PRKCH: variants seen among roughly 807,000 people sequenced by gnomAD.
PRKCH encodes protein kinase C eta type.
PRKCH carries 28 observed loss-of-function variants against 82.5 expected under a neutral mutation model. The ratio of observed to expected loss-of-function variants is 0.34; its 90% CI spans 0.25 to 0.47. PRKCH has a LOEUF of 0.47. Among genes scored for constraint, PRKCH ranks in the 20% least tolerant of loss-of-function variants. PRKCH has a pLI of 1.00. For synonymous variants in PRKCH, 322 were observed against 327.4 expected, an observed-to-expected ratio of 0.98 and a Z score of 0.18; for missense variants, 705 against 881.8, an observed-to-expected ratio of 0.80 and a Z score of 2.54.
At chr14:61,524,891 T>C (rs1229030523) in intron 10 of PRKCH, among the ~76,000 whole-genome samples, 1 of 152,248 alleles carries the variant, frequency 6.6e-6, no homozygotes, top group Non-Finnish European at 1.5e-5. Context: ...CTTGAGTCTA[T>C]CTTTAAGGGG....
At chr14:61,486,300 C>T (rs1192378396) in intron 10 of PRKCH, among the ~76,000 whole-genome samples, 2 of 147,070 alleles carry the variant, frequency 1.4e-5, no homozygotes, top group Non-Finnish European at 3.0e-5. Context: ...ACAAGAATTA[C>T]AGTCATGTGG....
At chr14:61,419,869 C>T (rs1346748453) in intron 2 of PRKCH, among the ~76,000 whole-genome samples, 4 of 152,166 alleles carry the variant, frequency 2.6e-5, no homozygotes, top group South Asian at 2.1e-4. Flanking sequence ...AGGGAAGAGT[C>T]GAAGGGTGGT....
rs183240720 is a variant in PRKCH, at chr14:61,504,178, G to A, written c.1433+18522G>A. ...TTCATGACCCATTTTACTCTCAGAGGCCCATTTTGTTTATTGGGTTTTTTT... is the reference window on the plus strand; with the variant it reads ...TTCATGACCCATTTTACTCTCAGAGACCCATTTTGTTTATTGGGTTTTTTT... On this transcript the variant is annotated intron_variant, in intron 10 of 13. Coordinates refer to ENST00000332981, the MANE Select transcript of PRKCH (RefSeq NM_006255.5). 4.6e-3 allele frequency among the ~76,000 whole-genome samples: 527 copies of A among 114,096 alleles called. 3 individuals carry two copies. The highest frequency in any genetic ancestry group is 6.3e-3 in the Admixed American group (68 of 10,872). 74.9% of individuals were successfully genotyped at this position (114,096 alleles called of 152,430 possible).
chr14:61,246,143 C>T (rs1440821168), intron 1 of PRKCH, among the ~76,000 whole-genome samples: 2 of 151,972 alleles, frequency 1.3e-5, no homozygotes, highest in Non-Finnish European at 2.9e-5. Flanking sequence ...CGGTGGCTCA[C>T]ACCTATAATC....
At chr14:61,205,880 A>G (rs1188275844) in intron 1 of PRKCH, among the ~76,000 whole-genome samples, 1 of 152,152 alleles carries the variant, frequency 6.6e-6, no homozygotes, top group African/African-American at 2.4e-5. Context: ...TGTTCATCAA[A>G]GCTCCCTCTT....
rs1382420925 is a variant in PRKCH at position 61,280,825 on chromosome 14, A to C, written c.-19+93157A>C. The C allele has an allele frequency of 1.9e-6, 3 of 1,566,070 alleles. No individual in the cohort carries two copies. In the African/African-American group the frequency reaches 4.1e-5, roughly 21 times the overall value. ...GTTGGTCAGCTCGTAGTAGAGGTAC[A>C]CTGGGCCCTGGAAGAGCTCGGGCAG... On this transcript the variant is annotated intron_variant, in intron 1 of 3. Transcript: ENST00000555185. The surrounding 1 kb of genome is among the most constrained non-coding windows in gnomAD (Gnocchi z 5.0).
rs781558401 is a variant in PRKCH at position 61,453,251 on chromosome 14, A to G, written c.858A>G (p.Arg286=). 1.2e-6 allele frequency: 2 copies of G among 1,614,184 alleles called. No homozygotes were observed. The highest frequency in any genetic ancestry group is 3.3e-5 in the Admixed American group (2 of 60,016). Residue 286 remains arginine, a synonymous_variant, in exon 7 of 14, where the codon CGA becomes CGG. Transcript: ENST00000332981. ...CKICKMNVHI[R]CQANVAPNCG... Reference sequence around the variant, plus strand: ...TATGTAAAATGAATGTGCATATTCGATGTCAAGCGAACGTGGCCCCTAACT... The same window carrying G: ...TATGTAAAATGAATGTGCATATTCGGTGTCAAGCGAACGTGGCCCCTAACT...
intron 2 of PRKCH, among the ~76,000 whole-genome samples, chr14:61,437,834 C>T (rs1883749180): frequency 6.6e-6 from 1 of 151,996 alleles, no homozygotes; most frequent in African/African-American, 2.4e-5. Flanking sequence ...CAATGGCTCA[C>T]ACCTGTAATC....
intron 1 of PRKCH, among the ~76,000 whole-genome samples, chr14:61,367,529 A>G (rs780963363): frequency 2.6e-5 from 4 of 151,796 alleles, no homozygotes; most frequent in South Asian, 2.1e-4. Context: ...TAGGTGCTCA[A>G]TAAATGTTTG....
intron 1 of PRKCH, among the ~76,000 whole-genome samples, chr14:61,227,208 C>T (rs1337442374): frequency 6.6e-6 from 1 of 152,220 alleles, no homozygotes; most frequent in Non-Finnish European, 1.5e-5. Context: ...GCTTTCCTCG[C>T]TTACTCACTC....
intron 2 of PRKCH, among the ~76,000 whole-genome samples, chr14:61,392,515 A>G (rs984424844): frequency 5.9e-5 from 9 of 152,188 alleles, no homozygotes; most frequent in African/African-American, 1.2e-4. Context: ...ACTTTCTCAC[A>G]TGCTTATTGG....
intron 2 of PRKCH, among the ~76,000 whole-genome samples, chr14:61,428,844 AT>A (rs756233549): frequency 3.2e-4 from 48 of 151,404 alleles, no homozygotes; most frequent in Admixed American, 8.6e-4. Context: ...AGTTAAAAAC[AT>A]TTTTTTTTCC....
Position 61,322,244 on chromosome 14 carries a change from G to A in PRKCH, c.143G>A (p.Ser48Asn). ...HQLLDPYLTV[S>N]VDQVRVGQTS... Reference sequence around the variant, plus strand: ...CTGCTGGACCCCTATCTGACGGTGAGCGTGGACCAGGTGCGCGTGGGCCAG... The same window carrying A: ...CTGCTGGACCCCTATCTGACGGTGAACGTGGACCAGGTGCGCGTGGGCCAG... Residue 48 changes from serine (S) to asparagine (N), a missense_variant, in exon 1 of 14, where the codon AGC becomes AAC. By Grantham distance (46) the Ser-to-Asn change is conservative. Coordinates refer to ENST00000332981, the MANE Select transcript of PRKCH (RefSeq NM_006255.5). 1 of 1,613,488 alleles carries A rather than the reference G, an allele frequency of 6.2e-7. No individual in the cohort carries two copies. The highest frequency in any genetic ancestry group is 2.2e-5 in the East Asian group (1 of 44,720).
rs185555362 is a variant in PRKCH, at chr14:61,232,054, A to G, written c.-19+44386A>G. 8.7e-4 allele frequency among the ~76,000 whole-genome samples: 132 copies of G among 152,224 alleles called. 1 individual carries two copies. Among genetic ancestry groups the G allele is most frequent in the Middle Eastern group, 3.4e-3 (1 of 294 alleles). On this transcript the variant is annotated intron_variant, in intron 1 of 3. Coordinates refer to the PRKCH transcript ENST00000555185. ...AGTCCTCAAGACAGCCACCTCCCCA[A>G]CTGCCCAACTTCAGATGCCAATCAC... is the stretch of plus-strand genomic sequence containing the variant.
intron 4 of PRKCH, among the ~76,000 whole-genome samples, chr14:61,446,007 A>G (rs1884203333): frequency 6.6e-6 from 1 of 152,180 alleles, no homozygotes; most frequent in Non-Finnish European, 1.5e-5. Flanking sequence ...CTAAAAGGTA[A>G]TGTGATTTTG....
At chr14:61,284,124 G>A (rs2045294847) in intron 1 of PRKCH, among the ~76,000 whole-genome samples, 1 of 152,218 alleles carries the variant, frequency 6.6e-6, no homozygotes, top group Non-Finnish European at 1.5e-5. Flanking sequence ...CAGAGAACAG[G>A]TGCAGAGTTA....
chr14:61,236,260 G>C (rs1428055784), intron 1 of PRKCH, among the ~76,000 whole-genome samples: 1 of 151,922 alleles, frequency 6.6e-6, no homozygotes, highest in Non-Finnish European at 1.5e-5. Flanking sequence ...GTGAAGCAGA[G>C]CAACTCCATC....
intron 1 of PRKCH, among the ~76,000 whole-genome samples, chr14:61,390,203 G>A (rs1207418714): frequency 6.6e-6 from 1 of 152,196 alleles, no homozygotes; most frequent in Non-Finnish European, 1.5e-5. Context: ...TCAGAACAGA[G>A]CCAGAGGTGC....
chr14:61,284,282 GAT>G (rs1391705797), intron 1 of PRKCH, among the ~76,000 whole-genome samples: 1 of 152,246 alleles, frequency 6.6e-6, no homozygotes, highest in African/African-American at 2.4e-5. Context: ...GAATTTGAAA[GAT>G]AAAAAATTCA....
Sources: gnomAD v4.1 joint callset for allele counts (sites outside exome capture counted in the v4.1 genomes callset) on GRCh38, gnomAD v4.1.1 for gene constraint, Gnocchi (gnomAD v3.1) non-coding constraint, MANE v1.5 for transcripts, NCBI Gene and HGNC (gene_info 2026-07-23, HGNC 2026-07-21) for gene names.